Variants in ZNF438 observed in about 807,000 individuals in gnomAD.
ZNF438 encodes the protein zinc finger protein 438.
In ZNF438, 25 loss-of-function variants were observed where a neutral mutation model predicts 38.0. The ratio of observed to expected loss-of-function variants is 0.66; its 90% confidence interval spans 0.48 to 0.92. ZNF438 has a LOEUF of 0.92. ZNF438 is among the 40% of genes least tolerant of loss of function. ZNF438 has a pLI of 0.00. For missense variants in ZNF438, 1,007 were observed against 999.6 expected (o/e 1.01, Z -0.10); for synonymous variants, 372 against 364.1 (o/e 1.02, Z -0.25).
At chr10:30,905,684 G>A (rs1688254460) in intron 3 of ZNF438, among the ~76,000 whole-genome samples, 1 of 152,084 alleles carries the variant, frequency 6.6e-6, no homozygotes, top group African/African-American at 2.4e-5. Flanking sequence ...CCTATCACAA[G>A]GTTATAAAGA....
chr10:30,925,200 C>T lies in ZNF438; in HGVS notation c.-114-16185G>A, dbSNP rs78229133. 9.9e-5 allele frequency among the ~76,000 whole-genome samples: 15 copies of T among 152,066 alleles called. No individual in the cohort carries two copies. In the East Asian group the frequency reaches 1.7e-3, roughly 18 times the overall value. On this transcript the variant is annotated intron_variant, in intron 2 of 5. Transcript: ENST00000413025. Reference sequence around the variant, plus strand: ...GTAGTTGTCCCCCACCCCTCACCCCCGACCCTGACTTACTCTGCTGGCTAG... The same window carrying T: ...GTAGTTGTCCCCCACCCCTCACCCCTGACCCTGACTTACTCTGCTGGCTAG...
At chr10:30,978,310 T>C (rs1369680775) in intron 1 of ZNF438, among the ~76,000 whole-genome samples, 1 of 152,214 alleles carries the variant, frequency 6.6e-6, no homozygotes, top group African/African-American at 2.4e-5. Context: ...TTTATGTATA[T>C]TGTATACACT....
chr10:30,982,142 C>A (rs1452391898), intron 1 of ZNF438, among the ~76,000 whole-genome samples: 1 of 149,514 alleles, frequency 6.7e-6, no homozygotes, highest in Non-Finnish European at 1.5e-5. Context: ...CGCGCTGTCA[C>A]CCAGGCTGGA....
intron 4 of ZNF438, among the ~76,000 whole-genome samples, chr10:30,866,248 C>G (rs2036414168): frequency 6.6e-6 from 1 of 152,168 alleles, no homozygotes; most frequent in South Asian, 2.1e-4. Flanking sequence ...GCACTCAATT[C>G]AGCCGTAAAG....
chr10:30,888,132 T>A (rs1439569983), intron 3 of ZNF438, among the ~76,000 whole-genome samples: 1 of 152,166 alleles, frequency 6.6e-6, no homozygotes, highest in Admixed American at 6.5e-5. Flanking sequence ...TTTTAATATC[T>A]CTTGGGTAAA....
intron 2 of ZNF438, among the ~76,000 whole-genome samples, chr10:30,927,334 G>A (rs2045069328): frequency 6.6e-6 from 1 of 152,188 alleles, no homozygotes; most frequent in Non-Finnish European, 1.5e-5. Context: ...AGGAAACAAA[G>A]GCTATATAGT....
At chr10:31,004,563 G>A (rs191876158) in intron 1 of ZNF438, among the ~76,000 whole-genome samples, 108 of 152,340 alleles carry the variant, frequency 7.1e-4, no homozygotes, top group African/African-American at 2.5e-3. Context: ...AGTATGCTGT[G>A]AGGAGTGAGG....
intron 1 of ZNF438, among the ~76,000 whole-genome samples, chr10:30,997,652 G>A (rs936524120): frequency 7.3e-5 from 11 of 151,068 alleles, no homozygotes; most frequent in African/African-American, 2.0e-4. Context: ...CAGGACTTCC[G>A]TACCCCTCAC....
chr10:30,992,938 T>C (rs1357076660), intron 1 of ZNF438, among the ~76,000 whole-genome samples: 3 of 152,112 alleles, frequency 2.0e-5, no homozygotes, highest in Admixed American at 6.5e-5. Context: ...AACTAGCATA[T>C]CGAGTGGAAG....
chr10:30,845,296 CGGA>C (rs979535032), exon 6 of ZNF438: 2 of 1,613,982 alleles, frequency 1.2e-6, no homozygotes, highest in African/African-American at 1.3e-5. Flanking sequence ...TGTGATTCCT[CGGA>C]GGAGGAATGA....
chr10:30,964,131 G>A (rs967467193), intron 1 of ZNF438, among the ~76,000 whole-genome samples: 4 of 152,120 alleles, frequency 2.6e-5, no homozygotes, highest in Admixed American at 1.3e-4. Context: ...ATGAAGAAAA[G>A]TTTCCACCAC....
chr10:30,857,727 G>C lies in ZNF438; in HGVS notation c.38-7360C>G, dbSNP rs567319730. 5 of 1,494,656 alleles carry C rather than the reference G, an allele frequency of 3.3e-6. No individual in the cohort carries two copies. The African/African-American group carries it at 4.1e-5, about 12-fold the overall frequency. The allele number at this position is 1,494,656 out of a possible 1,614,324, so 92.6% of individuals were successfully genotyped here. On this transcript the variant is annotated intron_variant, in intron 4 of 5. Transcript: ENST00000413025. Reference sequence around the variant, plus strand: ...CCAGAAAGGCTGTTGGATATTTGGAGAATGTGCAACGTGTGTCCTCCTCCT... The same window carrying C: ...CCAGAAAGGCTGTTGGATATTTGGACAATGTGCAACGTGTGTCCTCCTCCT...
rs528095219 is a variant in ZNF438, at chr10:30,874,343, T to A, written c.37+2655A>T. ...TTGAAATTTTTTTGTAGAGATGGAG[T>A]CTTGCTATGTTGCCCAGGCTGGTCT... On this transcript the variant is annotated intron_variant, in intron 4 of 5. Transcript: ENST00000413025. Among the ~76,000 whole-genome samples, 4 of 151,654 alleles carry A rather than the reference T, an allele frequency of 2.6e-5. No individual in the cohort carries two copies. The South Asian group carries it at 8.3e-4, about 32-fold the overall frequency.
At chr10:30,992,696 A>G (rs1283270171) in intron 1 of ZNF438, among the ~76,000 whole-genome samples, 2 of 152,230 alleles carry the variant, frequency 1.3e-5, no homozygotes, top group African/African-American at 4.8e-5. Context: ...TACAGGCGTG[A>G]GCCACCGTGC....
chr10:30,996,129 T>C (rs1257412828), intron 1 of ZNF438, among the ~76,000 whole-genome samples: 1 of 151,984 alleles, frequency 6.6e-6, no homozygotes, highest in African/African-American at 2.4e-5. Flanking sequence ...GCAAAGGAAT[T>C]AAAGCATCAC....
At chr10:30,929,385 A>G (rs1250108099) in intron 2 of ZNF438, among the ~76,000 whole-genome samples, 2 of 151,856 alleles carry the variant, frequency 1.3e-5, no homozygotes, top group Admixed American at 6.6e-5. Context: ...AGACCTTCGC[A>G]GTGAGTGTTA....
At chr10:30,896,523 G>A (rs1323983688) in intron 3 of ZNF438, among the ~76,000 whole-genome samples, 1 of 152,070 alleles carries the variant, frequency 6.6e-6, no homozygotes, top group East Asian at 1.9e-4. Flanking sequence ...GAACCTTGAG[G>A]AGACTATGTT....
At chr10:30,853,258 C>T (rs73254335) in intron 4 of ZNF438, among the ~76,000 whole-genome samples, 8,107 of 152,250 alleles carry the variant, frequency 0.053, 693 homozygotes, top group African/African-American at 0.18. Flanking sequence ...TAGTAATTCA[C>T]CCTCTTGAAA....
chr10:30,851,798 G>A lies in ZNF438; in HGVS notation c.38-1431C>T, dbSNP rs578035628. On this transcript the variant is annotated intron_variant, in intron 4 of 5. Transcript: ENST00000413025. Reference sequence around the variant, plus strand: ...TTTAGATTTTAGAGTTGGGGGTAGGGGACTGAACACTATCTGTTAGAGGAT... The same window carrying A: ...TTTAGATTTTAGAGTTGGGGGTAGGAGACTGAACACTATCTGTTAGAGGAT... 3.3e-5 allele frequency among the ~76,000 whole-genome samples: 5 copies of A among 152,176 alleles called. No homozygotes were observed. In the East Asian group the frequency reaches 5.8e-4, roughly 18 times the overall value.
Sources: allele counts gnomAD v4.1 joint callset (sites outside exome capture counted in the v4.1 genomes callset), GRCh38; gene constraint gnomAD v4.1.1; transcripts MANE v1.5; gene names NCBI Gene and HGNC (gene_info 2026-07-23, HGNC 2026-07-21).